GAPVD1: variants seen among roughly 807,000 people sequenced by gnomAD.
GAPVD1 encodes GTPase-activating protein and VPS9 domain-containing protein 1.
Under a neutral mutation model 155.5 loss-of-function variants are expected in GAPVD1, and 35 were observed. The ratio of observed to expected loss-of-function variants is 0.23; its 90% CI spans 0.17 to 0.30. GAPVD1 has a LOEUF of 0.30. Ranked by LOEUF, GAPVD1 falls within the 10% of genes least tolerant of loss-of-function variation. The probability of loss-of-function intolerance (pLI) is 1.00; values close to 1 mark genes in which losing one functional copy is unlikely to be tolerated. For synonymous variants in GAPVD1, 636 were observed against 619.7 expected (o/e 1.03, Z -0.39); for missense variants, 1,429 against 1,775.7 (o/e 0.80, Z 3.51).
chr9:125,299,630 G>A (rs1413415547), intron 4 of GAPVD1, among the ~76,000 whole-genome samples: 1 of 151,610 alleles, frequency 6.6e-6, no homozygotes, highest in African/African-American at 2.4e-5. Flanking sequence ...ACTCCAGCCT[G>A]GGCCATAGAG....
chr9:125,276,281 C>T (rs949759864), intron 2 of GAPVD1, among the ~76,000 whole-genome samples: 1 of 152,058 alleles, frequency 6.6e-6, no homozygotes, highest in African/African-American at 2.4e-5. Context: ...ATTCTGTAGG[C>T]CAGAGTTCAA....
At chr9:125,358,268 G>T (rs1004035535) in intron 25 of GAPVD1, among the ~76,000 whole-genome samples, 8 of 152,062 alleles carry the variant, frequency 5.3e-5, no homozygotes, top group Admixed American at 3.3e-4. Flanking sequence ...ACCATGCCCA[G>T]CTAATTTTTG....
At chr9:125,278,303 C>G (rs1477126935) in intron 2 of GAPVD1, among the ~76,000 whole-genome samples, 1 of 149,134 alleles carries the variant, frequency 6.7e-6, no homozygotes, top group Non-Finnish European at 1.5e-5. Context: ...GGCGGATCAC[C>G]TGAGGCCAGG....
At chr9:125,352,951 AC>A (rs1456270013) in intron 23 of GAPVD1, among the ~76,000 whole-genome samples, 2 of 152,106 alleles carry the variant, frequency 1.3e-5, no homozygotes, top group African/African-American at 4.8e-5. Flanking sequence ...TCCTAAAAAT[AC>A]AAAAAATTAG....
chr9:125,268,390 T>C (rs892996967), intron 1 of GAPVD1, among the ~76,000 whole-genome samples: 4 of 152,080 alleles, frequency 2.6e-5, no homozygotes, highest in Admixed American at 6.6e-5. Flanking sequence ...ATTGTGACAA[T>C]ATGTACTGAT....
intron 2 of GAPVD1, among the ~76,000 whole-genome samples, chr9:125,285,382 A>G (rs890899500): frequency 6.6e-6 from 1 of 151,686 alleles, no homozygotes; most frequent in South Asian, 2.1e-4. Context: ...GTGTTAAAAC[A>G]TGAGTTGAAA....
chr9:125,341,298 C>T (rs777963160), intron 18 of GAPVD1, 34 bp downstream of exon 18: 10 of 1,015,628 alleles, frequency 9.8e-6, no homozygotes, highest in Middle Eastern at 4.2e-4. Context: ...GCTGTATTAG[C>T]AATAAGAAGC....
chr9:125,283,892 A>G lies in GAPVD1; in HGVS notation c.-149-11566A>G, dbSNP rs536309365. On this transcript the variant is annotated intron_variant, in intron 2 of 27. Coordinates refer to ENST00000297933, the MANE Select transcript of GAPVD1 (RefSeq NM_001282680.3). ...TGAAACTTTTTTTTTTCTTTTTTTG[A>G]TATGGAGTCTCGCTCTGTCACCCAG... Among the ~76,000 whole-genome samples, 9 of 149,652 alleles carry G rather than the reference A, an allele frequency of 6.0e-5. 1 individual carries two copies. Among genetic ancestry groups the G allele is most frequent in the Non-Finnish European group, 1.3e-4 (9 of 67,508 alleles).
At position 125,323,788 on chromosome 9, in the gene GAPVD1, A is replaced by G. The variant is rs1844744818; in HGVS notation, c.1733-10A>G. On this transcript the variant is annotated splice_polypyrimidine_tract_variant and intron_variant, in intron 10 of 27. Coordinates refer to ENST00000297933, the MANE Select transcript of GAPVD1 (RefSeq NM_001282680.3). ...TAAAAAGATTGCTCACACTATAAACATTTCTCTAGGTCCTTCAAATCGCTC... is the reference window on the plus strand; with the variant it reads ...TAAAAAGATTGCTCACACTATAAACGTTTCTCTAGGTCCTTCAAATCGCTC... 7.4e-6 allele frequency: 12 copies of G among 1,613,402 alleles called. No homozygotes were observed. Among genetic ancestry groups the G allele is most frequent in the African/African-American group, 1.3e-5 (1 of 74,906 alleles).
intron 25 of GAPVD1, among the ~76,000 whole-genome samples, chr9:125,358,523 G>A (rs952964570): frequency 2.6e-5 from 4 of 152,186 alleles, no homozygotes; most frequent in East Asian, 1.9e-4. Flanking sequence ...CCAGGGGTCC[G>A]TGTAATAGGA....
intron 6 of GAPVD1, among the ~76,000 whole-genome samples, chr9:125,306,905 G>A (rs1470692273): frequency 6.6e-6 from 1 of 152,150 alleles, no homozygotes; most frequent in Non-Finnish European, 1.5e-5. Context: ...TGAGGTGGAC[G>A]GATCACTTGA....
intron 2 of GAPVD1, among the ~76,000 whole-genome samples, chr9:125,270,878 G>A (rs1487622930): frequency 2.6e-5 from 4 of 152,194 alleles, no homozygotes; most frequent in African/African-American, 7.2e-5. Context: ...GGGAGTGGGA[G>A]GCAGAGGTTG....
chr9:125,317,410 G>C (rs186969179), intron 9 of GAPVD1, among the ~76,000 whole-genome samples: 115 of 151,954 alleles, frequency 7.6e-4, no homozygotes, highest in African/African-American at 2.7e-3. Context: ...TGGATCACCT[G>C]AAGTTGGGAG....
chr9:125,345,120 A>G (rs1049888723), intron 19 of GAPVD1, among the ~76,000 whole-genome samples: 3 of 150,066 alleles, frequency 2.0e-5, no homozygotes, highest in Non-Finnish European at 3.0e-5. Flanking sequence ...GGCCTTCCCT[A>G]TATGCTTGTT....
chr9:125,279,483 A>G (rs1836368402), intron 2 of GAPVD1, among the ~76,000 whole-genome samples: 1 of 151,382 alleles, frequency 6.6e-6, no homozygotes, highest in Non-Finnish European at 1.5e-5. Flanking sequence ...AGACAGGAGA[A>G]TCACTTGAAC....
chr9:125,278,059 A>C (rs1836095850), intron 2 of GAPVD1, among the ~76,000 whole-genome samples: 1 of 152,202 alleles, frequency 6.6e-6, no homozygotes, highest in Non-Finnish European at 1.5e-5. Flanking sequence ...ACAAAACATA[A>C]AATGAGCAAG....
At chr9:125,300,315 G>C (rs1840672996) in intron 4 of GAPVD1, among the ~76,000 whole-genome samples, 1 of 149,686 alleles carries the variant, frequency 6.7e-6, no homozygotes, top group African/African-American at 2.5e-5. Context: ...CTGAGTAGCT[G>C]GGATTACAGA....
intron 6 of GAPVD1, among the ~76,000 whole-genome samples, chr9:125,305,379 T>G (rs940526469): frequency 6.7e-6 from 1 of 149,198 alleles, no homozygotes; most frequent in Non-Finnish European, 1.5e-5. Flanking sequence ...AAGTTTTTTT[T>G]TTTTTTTTTT....
At chr9:125,293,895 T>TATATATAG (rs1839377974) in intron 2 of GAPVD1, among the ~76,000 whole-genome samples, 2 of 115,114 alleles carry the variant, frequency 1.7e-5, no homozygotes, top group Admixed American at 2.4e-4. Context: ...TATATATATA[T>TATATATAG]ATATATATAA....
Sources: gnomAD v4.1 joint callset for allele counts (sites outside exome capture counted in the v4.1 genomes callset) on GRCh38, gnomAD v4.1.1 for gene constraint, MANE v1.5 for transcripts, NCBI Gene and HGNC (gene_info 2026-07-23, HGNC 2026-07-21) for gene names.